The following TANC2 variants were observed in gnomAD, a reference collection of about 807,000 sequenced individuals.
TANC2 encodes the protein tetratricopeptide repeat, ankyrin repeat and coiled-coil containing 2.
Under a neutral mutation model 210.5 loss-of-function variants are expected in TANC2, and 26 were observed. The observed-to-expected ratio is 0.12, with a 90% CI of 0.09 to 0.17. The LOEUF is 0.17. Ranked by LOEUF, TANC2 falls within the 10% of genes least tolerant of loss-of-function variation. TANC2 has a pLI of 1.00. For missense variants in TANC2, 2,129 were observed against 2,608.9 expected, an observed-to-expected ratio of 0.82 and a Z score of 4.01; for synonymous variants, 931 against 967.1, an observed-to-expected ratio of 0.96 and a Z score of 0.69.
chr17:62,988,295 CTTTTTT>C (rs59386058), intron 1 of TANC2, among the ~76,000 whole-genome samples: 2 of 111,738 alleles, frequency 1.8e-5, no homozygotes, highest in African/African-American at 3.7e-5. Context: ...ACCTGGCTAA[CTTTTTT>C]TTTTTTTTTT....
At chr17:63,268,428 T>A in intron 9 of TANC2, among the ~76,000 whole-genome samples, 1 of 152,226 alleles carries the variant, frequency 6.6e-6, no homozygotes, top group East Asian at 1.9e-4. Flanking sequence ...TCAAGCTATG[T>A]GTATAAGGTG....
At chr17:63,271,423 CTG>C (rs2146291859) in intron 9 of TANC2, among the ~76,000 whole-genome samples, 1 of 147,394 alleles carries the variant, frequency 6.8e-6, no homozygotes, top group Non-Finnish European at 1.5e-5. Context: ...ATCAATGACA[CTG>C]AGCTCTTTTT....
At chr17:63,139,727 C>A (rs932319760) in intron 4 of TANC2, among the ~76,000 whole-genome samples, 5 of 152,144 alleles carry the variant, frequency 3.3e-5, no homozygotes, top group Non-Finnish European at 7.3e-5. Context: ...CATAGTGAGA[C>A]CCTGTCTGTA....
chr17:63,415,705 C>A (rs1299610077), intron 26 of TANC2, 31 bp downstream of exon 26: 1 of 1,605,056 alleles, frequency 6.2e-7, no homozygotes, highest in Non-Finnish European at 8.5e-7. Flanking sequence ...CTCCTTTCTG[C>A]AATCCTGGTA....
chr17:63,420,571 G>T lies in TANC2; in HGVS notation c.4841G>T (p.Ser1614Ile), dbSNP rs780844680. ...GGAGGACAGGGCAAAGAATACCCAA[G>T]CCCTCCCCCTTCCCCTCTCCGGAGA... The change falls in exon 28 of 28, where the codon AGC (serine) becomes ATC (isoleucine). Residue 1614 changes from serine (S) to isoleucine (I), a missense_variant. Ser to Ile is a moderately radical substitution (Grantham distance 142). Transcript: ENST00000689528. This position sits in a 1 kb window ranked among gnomAD's most constrained non-coding sequence, Gnocchi z 4.2. The T allele has an allele frequency of 1.2e-6, 2 of 1,613,716 alleles. No homozygotes were observed. The highest frequency in any genetic ancestry group is 2.7e-5 in the African/African-American group (2 of 74,910).
chr17:62,981,671 G>A (rs1311052374), intron 1 of TANC2, among the ~76,000 whole-genome samples: 3 of 152,086 alleles, frequency 2.0e-5, no homozygotes, highest in Non-Finnish European at 4.4e-5. Flanking sequence ...ACAGTCCTCC[G>A]TAAGACTACT....
At chr17:63,394,667 T>A (rs941454803) in intron 17 of TANC2, among the ~76,000 whole-genome samples, 4 of 152,250 alleles carry the variant, frequency 2.6e-5, no homozygotes, top group East Asian at 3.8e-4. Flanking sequence ...CATTAATCAT[T>A]TTCCATCTCA....
chr17:62,974,772 G>T (rs1396631705), intron 1 of TANC2, among the ~76,000 whole-genome samples: 2 of 152,196 alleles, frequency 1.3e-5, no homozygotes, highest in African/African-American at 4.8e-5. Context: ...AATGATGATA[G>T]ATTTTACTGT....
chr17:63,421,248 A>G lies in TANC2; in HGVS notation c.5518A>G (p.Ser1840Gly), dbSNP rs756887497. The G allele has an allele frequency of 1.9e-6, 3 of 1,614,026 alleles. No homozygotes were observed. The highest frequency in any genetic ancestry group is 4.5e-5 in the East Asian group (2 of 44,880). ...GTCGCATTTAATCAGAAGACCTATC[A>G]GTGTCAACCCTAACGAAATCAAACC... is the stretch of plus-strand genomic sequence containing the variant. Residue 1840 changes from serine (S) to glycine (G), a missense_variant, in exon 28 of 28, where the codon AGT becomes GGT. By Grantham distance (56) the Ser-to-Gly change is moderately conservative (BLOSUM62 0). Coordinates refer to ENST00000689528, the Ensembl canonical transcript of TANC2. The surrounding 1 kb of genome is among the most constrained non-coding windows in gnomAD (Gnocchi z 6.9).
At chr17:63,205,372 A>AAAAAAAAAAAAAAAAAAAAAAAAAC (rs1472135033) in intron 7 of TANC2, among the ~76,000 whole-genome samples, 1 of 131,810 alleles carries the variant, frequency 7.6e-6, no homozygotes, top group African/African-American at 3.1e-5. Flanking sequence ...AAAAAAAAAA[A>AAAAAAAAAAAAAAAAAAAAAAAAAC]CCTCATACAC....
intron 9 of TANC2, among the ~76,000 whole-genome samples, chr17:63,270,718 A>G (rs573373256): frequency 6.6e-6 from 1 of 152,178 alleles, no homozygotes; most frequent in African/African-American, 2.4e-5. Context: ...GGTTTGTTAT[A>G]TAGGTATGAG....
intron 25 of TANC2, 60 bp from the exon 26 acceptor site, chr17:63,415,468 A>T: frequency 6.3e-7 from 1 of 1,588,686 alleles, no homozygotes; most frequent in Non-Finnish European, 8.6e-7. Context: ...AGTGGGGACC[A>T]CACTTCCTCA....
chr17:63,073,309 A>G (rs960629409), intron 2 of TANC2, among the ~76,000 whole-genome samples: 4 of 152,244 alleles, frequency 2.6e-5, no homozygotes, highest in South Asian at 2.1e-4. Context: ...TTTACAATAA[A>G]GTAAAATTTG....
chr17:63,310,389 G>T (rs1464280980), intron 9 of TANC2, among the ~76,000 whole-genome samples: 3 of 152,200 alleles, frequency 2.0e-5, no homozygotes, highest in African/African-American at 7.2e-5. Context: ...AGAGATTGCA[G>T]TGAGCCAAGA....
At chr17:63,143,404 A>C (rs1290870537) in intron 4 of TANC2, among the ~76,000 whole-genome samples, 1 of 152,192 alleles carries the variant, frequency 6.6e-6, no homozygotes, top group Non-Finnish European at 1.5e-5. Flanking sequence ...ATAAAGATGA[A>C]AAATTAAATA....
At chr17:63,368,075 T>C (rs933794488) in intron 14 of TANC2, among the ~76,000 whole-genome samples, 2 of 151,872 alleles carry the variant, frequency 1.3e-5, no homozygotes, top group South Asian at 4.2e-4. Context: ...GAGAGCAGAG[T>C]GTATGTGGGA....
intron 5 of TANC2, among the ~76,000 whole-genome samples, chr17:63,193,422 G>A (rs1481136188): frequency 6.6e-6 from 1 of 152,100 alleles, no homozygotes; most frequent in African/African-American, 2.4e-5. Context: ...ATGTTAAATG[G>A]AATAATAACA....
At position 63,304,568 on chromosome 17, in the gene TANC2, G is replaced by A. The variant is rs368452584; in HGVS notation, c.1160-9820G>A. On this transcript the variant is annotated intron_variant, in intron 9 of 27. Transcript: ENST00000689528. ...AGATTCTCAACCAGTTGGGTGGCAC[G>A]GGGAGCAGGACCTGTTTATTAACAA... is the stretch of plus-strand genomic sequence containing the variant. Among the ~76,000 whole-genome samples the A allele has an allele frequency of 7.5e-4, 114 of 152,272 alleles. No individual in the cohort carries two copies. The East Asian group carries it at 0.015, about 21-fold the overall frequency.
At chr17:63,364,044 G>T (rs1056089587) in intron 14 of TANC2, among the ~76,000 whole-genome samples, 1 of 152,196 alleles carries the variant, frequency 6.6e-6, no homozygotes, top group African/African-American at 2.4e-5. Context: ...TATCTAATTT[G>T]CCAATGAATA....
Sources: allele counts gnomAD v4.1 joint callset (sites outside exome capture counted in the v4.1 genomes callset), GRCh38; gene constraint gnomAD v4.1.1; non-coding constraint Gnocchi (gnomAD v3.1); transcripts MANE v1.5; gene names NCBI Gene and HGNC (gene_info 2026-07-23, HGNC 2026-07-21).